Variants in WDR41 observed in about 807,000 individuals in gnomAD.
WDR41 encodes the protein WD repeat domain 41, also known as WD repeat-containing protein 41.
Under a neutral mutation model 69.3 loss-of-function variants are expected in WDR41, and 63 were observed. The ratio of observed to expected loss-of-function variants is 0.91; its 90% CI spans 0.74 to 1.12. The LOEUF (loss-of-function observed/expected upper bound fraction) is 1.12, where lower values mean the gene tolerates loss of function less well. Ranked by LOEUF, WDR41 falls within the 50% of genes most tolerant of loss-of-function variation. WDR41 has a pLI of 0.00. For synonymous variants in WDR41, 185 were observed against 192.1 expected (o/e 0.96, Z 0.31); for missense variants, 543 against 534.5 (o/e 1.02, Z -0.16).
intron 1 of WDR41, among the ~76,000 whole-genome samples, chr5:77,522,934 T>C (rs986385485): frequency 6.6e-6 from 1 of 152,126 alleles, no homozygotes; most frequent in African/African-American, 2.4e-5. Flanking sequence ...GTGCAGAGCA[T>C]TCCTTTGAAA....
intron 1 of WDR41, among the ~76,000 whole-genome samples, chr5:77,572,246 C>T (rs1483790139): frequency 1.3e-5 from 2 of 152,158 alleles, no homozygotes; most frequent in East Asian, 3.8e-4. Context: ...TCATTCTACC[C>T]ACTTCGCAAA....
At chr5:77,550,918 G>A (rs755272892) in intron 1 of WDR41, among the ~76,000 whole-genome samples, 1 of 152,106 alleles carries the variant, frequency 6.6e-6, no homozygotes, top group Non-Finnish European at 1.5e-5. Flanking sequence ...AAGGAATAAA[G>A]TCATGTCCTT....
chr5:77,532,918 G>A (rs1489409769), intron 1 of WDR41, among the ~76,000 whole-genome samples: 2 of 152,028 alleles, frequency 1.3e-5, no homozygotes, highest in Non-Finnish European at 2.9e-5. Flanking sequence ...TGCTAGCAAT[G>A]TTCTATTTCT....
At chr5:77,445,884 C>G (rs183961061) in intron 8 of WDR41, among the ~76,000 whole-genome samples, 187 of 152,290 alleles carry the variant, frequency 1.2e-3, no homozygotes, top group Non-Finnish European at 2.2e-3. Context: ...TGCCCTCTCT[C>G]ACCACTCCTA....
chr5:77,437,929 G>A (rs1799009729), intron 10 of WDR41, among the ~76,000 whole-genome samples: 1 of 152,160 alleles, frequency 6.6e-6, no homozygotes, highest in Admixed American at 6.5e-5. Flanking sequence ...GTAGGTTTAT[G>A]AGAAATATAA....
intron 2 of WDR41, among the ~76,000 whole-genome samples, chr5:77,479,869 C>T (rs1347820102): frequency 6.6e-6 from 1 of 151,454 alleles, no homozygotes; most frequent in Non-Finnish European, 1.5e-5. Flanking sequence ...AAGAAACTAC[C>T]ATCAGAGTGA....
chr5:77,476,539 A>T (rs1800941483), intron 2 of WDR41, among the ~76,000 whole-genome samples: 1 of 151,886 alleles, frequency 6.6e-6, no homozygotes, highest in Admixed American at 6.6e-5. Flanking sequence ...AAAGAAAAGA[A>T]TTTTCAACCC....
intron 2 of WDR41, among the ~76,000 whole-genome samples, chr5:77,478,323 T>G (rs1801057785): frequency 6.6e-6 from 1 of 152,302 alleles, no homozygotes; most frequent in East Asian, 1.9e-4. Context: ...TAACTCATTT[T>G]ATGAGGCCAG....
At chr5:77,468,940 C>T (rs183896971) in intron 2 of WDR41, among the ~76,000 whole-genome samples, 39 of 152,140 alleles carry the variant, frequency 2.6e-4, no homozygotes, top group African/African-American at 9.4e-4. Context: ...TGTTCTCCAT[C>T]TTTTTCTTCC....
Position 77,539,671 on chromosome 5 carries a change from C to T in WDR41, c.43-50099G>A, listed in dbSNP as rs79914262. ...CTTAATCTCTCTAAGCCTCTGTTTC[C>T]TGTAAAATGAGGATAACAAATAGTA... On this transcript the variant is annotated intron_variant, in intron 1 of 5. Transcript: ENST00000509971. Among the ~76,000 whole-genome samples, 231 of 152,244 alleles carry T rather than the reference C, an allele frequency of 1.5e-3. 3 individuals carry two copies. The highest frequency in any genetic ancestry group is 5.3e-3 in the African/African-American group (222 of 41,536).
At chr5:77,451,204 C>T (rs1799614558) in intron 7 of WDR41, 87 bp downstream of exon 7, 1 of 1,271,402 alleles carries the variant, frequency 7.9e-7, no homozygotes, top group African/African-American at 1.5e-5. Flanking sequence ...ACGCAATGTC[C>T]CTTAAATAAA....
Position 77,582,820 on chromosome 5 carries a change from T to C in WDR41, c.42+37659A>G, listed in dbSNP as rs977069395. ...AGCATGGGGGTACCCCAATCTGAAG[T>C]CAGTAAATGAACTAATCTACAAGCG... On this transcript the variant is annotated intron_variant, in intron 1 of 5. Transcript: ENST00000509971. 6.4e-4 allele frequency: 1,025 copies of C among 1,601,342 alleles called. 1 individual carries two copies. The highest frequency in any genetic ancestry group is 7.7e-4 in the Non-Finnish European group (908 of 1,179,362).
intron 12 of WDR41, among the ~76,000 whole-genome samples, chr5:77,435,827 C>T (rs1171933330): frequency 6.6e-6 from 1 of 152,190 alleles, no homozygotes; most frequent in African/African-American, 2.4e-5. Flanking sequence ...TTAAAGCTAA[C>T]AAACTATTAT....
At position 77,483,970 on chromosome 5, in the gene WDR41, T is replaced by C. The variant is rs115364881; in HGVS notation, c.167+5487A>G. ...GCCAGATGGATTTTTAAAGCTACAT[T>C]TGAAAGATGTTCAAGAAAATAATTT... On this transcript the variant is annotated intron_variant, in intron 2 of 12. Transcript: ENST00000296679. 9.1e-3 allele frequency among the ~76,000 whole-genome samples: 1,384 copies of C among 152,334 alleles called. 25 individuals are homozygous for C. Among genetic ancestry groups the C allele is most frequent in the African/African-American group, 0.03 (1,240 of 41,574 alleles).
intron 1 of WDR41, among the ~76,000 whole-genome samples, chr5:77,548,120 A>G (rs1398609022): frequency 6.6e-6 from 1 of 152,228 alleles, no homozygotes; most frequent in Non-Finnish European, 1.5e-5. Flanking sequence ...CTCACCTTAT[A>G]CAAAAATAAC....
intron 2 of WDR41, among the ~76,000 whole-genome samples, chr5:77,482,063 C>T (rs1270558683): frequency 3.3e-5 from 5 of 152,016 alleles, no homozygotes; most frequent in South Asian, 2.1e-4. Flanking sequence ...CTTTTCATTA[C>T]GGAGAATTTA....
intron 1 of WDR41, among the ~76,000 whole-genome samples, chr5:77,620,308 G>C (rs966790948): frequency 1.4e-4 from 21 of 152,176 alleles, no homozygotes; most frequent in Admixed American, 3.3e-4. Flanking sequence ...AAATTAAAGA[G>C]TTTAAAATAG....
chr5:77,474,295 G>C (rs1800780579), intron 2 of WDR41, among the ~76,000 whole-genome samples: 2 of 152,018 alleles, frequency 1.3e-5, no homozygotes, highest in African/African-American at 4.8e-5. Context: ...TGGGGTGGGG[G>C]GAGTGGGGAG....
At chr5:77,537,218 C>A (rs1743003746) in intron 1 of WDR41, among the ~76,000 whole-genome samples, 2 of 152,176 alleles carry the variant, frequency 1.3e-5, no homozygotes, top group Admixed American at 1.3e-4. Context: ...CACTGTTAAC[C>A]ATTGCGTTCG....
Sources: allele counts gnomAD v4.1 joint callset (sites outside exome capture counted in the v4.1 genomes callset), GRCh38; gene constraint gnomAD v4.1.1; transcripts MANE v1.5; gene names NCBI Gene and HGNC (gene_info 2026-07-23, HGNC 2026-07-21).